AFG2A: variants seen among roughly 807,000 people sequenced by gnomAD.
AFG2A encodes ATPase family gene 2 protein homolog A.
the AFG2A span, among the ~76,000 whole-genome samples, chr4:123,130,494 A>G: frequency 1.3e-5 from 2 of 152,134 alleles, no homozygotes; most frequent in African/African-American, 2.4e-5. Context: ...CCATTTCCCA[A>G]ATGTCATATA....
chr4:123,130,475 T>C, the AFG2A span, among the ~76,000 whole-genome samples: 1 of 152,236 alleles, frequency 6.6e-6, no homozygotes, highest in African/African-American at 2.4e-5. Flanking sequence ...ATCTGTCCTG[T>C]AGTTTTGCCC....
chr4:122,927,669 C>G, the AFG2A span: 1 of 1,611,958 alleles, frequency 6.2e-7, no homozygotes. Flanking sequence ...CCAGAATTCC[C>G]TTATTCATCT....
the AFG2A span, among the ~76,000 whole-genome samples, chr4:123,002,068 T>G: frequency 6.6e-6 from 1 of 151,868 alleles, no homozygotes; most frequent in Non-Finnish European, 1.5e-5. Context: ...ATGGCCTTCT[T>G]TGTCTCTTTT....
the AFG2A span, among the ~76,000 whole-genome samples, chr4:123,065,944 A>C: frequency 1.3e-5 from 2 of 152,192 alleles, no homozygotes. Context: ...AGAACATAAA[A>C]ACATGATCAA....
chr4:123,155,105 G>C, the AFG2A span, among the ~76,000 whole-genome samples: 1 of 151,754 alleles, frequency 6.6e-6, no homozygotes, highest in East Asian at 1.9e-4. Flanking sequence ...TATTTATTTA[G>C]ACACAGAGTC....
the AFG2A span, among the ~76,000 whole-genome samples, chr4:123,248,539 T>G: frequency 0.51 from 77,962 of 152,056 alleles, 24,611 homozygotes; most frequent in Non-Finnish European, 0.67. Flanking sequence ...AGATTTAATA[T>G]ATACAGGAAT....
the AFG2A span, among the ~76,000 whole-genome samples, chr4:122,983,878 G>A: frequency 6.6e-6 from 1 of 152,202 alleles, no homozygotes; most frequent in Non-Finnish European, 1.5e-5. Flanking sequence ...CTAGAAGACA[G>A]ACAACAATCA....
chr4:123,313,286 T>C, the AFG2A span, among the ~76,000 whole-genome samples: 1 of 152,210 alleles, frequency 6.6e-6, no homozygotes, highest in African/African-American at 2.4e-5. Context: ...CACTTCTCTG[T>C]TCTAATGCAG....
chr4:123,029,218 C>G, the AFG2A span, among the ~76,000 whole-genome samples: 1 of 152,194 alleles, frequency 6.6e-6, no homozygotes, highest in African/African-American at 2.4e-5. Context: ...CTGCCTCAGC[C>G]TCCCGAATAG....
chr4:122,949,127 A>ATAC, the AFG2A span, among the ~76,000 whole-genome samples: 1 of 152,198 alleles, frequency 6.6e-6, no homozygotes, highest in Non-Finnish European at 1.5e-5. Context: ...GTCATCAGGA[A>ATAC]TACATACACA....
the AFG2A span, among the ~76,000 whole-genome samples, chr4:123,172,693 A>G: frequency 6.6e-6 from 1 of 152,126 alleles, no homozygotes; most frequent in Admixed American, 6.6e-5. Flanking sequence ...GAAGACCACT[A>G]CTTCCTATTT....
the AFG2A span, among the ~76,000 whole-genome samples, chr4:123,278,225 C>G: frequency 2.0e-5 from 3 of 152,120 alleles, no homozygotes; most frequent in Non-Finnish European, 4.4e-5. Flanking sequence ...TCAGTTTATT[C>G]TAGATCTTCT....
At chr4:123,002,579 G>T in the AFG2A span, among the ~76,000 whole-genome samples, 1 of 152,238 alleles carries the variant, frequency 6.6e-6, no homozygotes, top group African/African-American at 2.4e-5. Context: ...AGTTTGGCTG[G>T]ATATGAAATT....
chr4:123,097,650 A>G, the AFG2A span, among the ~76,000 whole-genome samples: 26 of 152,056 alleles, frequency 1.7e-4, no homozygotes, highest in African/African-American at 6.3e-4. Flanking sequence ...AGGTGTTTTA[A>G]CTTCTATGAC....
At chr4:123,008,900 A>G in the AFG2A span, among the ~76,000 whole-genome samples, 1 of 152,052 alleles carries the variant, frequency 6.6e-6, no homozygotes, top group Non-Finnish European at 1.5e-5. Flanking sequence ...GTAGATGGAG[A>G]GTGGGGGGAG....
chr4:122,951,373 C>A, the AFG2A span, among the ~76,000 whole-genome samples: 1 of 151,742 alleles, frequency 6.6e-6, no homozygotes, highest in East Asian at 1.9e-4. Flanking sequence ...CTTAGGGGTC[C>A]TGGAACCGAT....
At chr4:123,007,544 GTATGTATGTGTGTGTGTGTGTATA>G in the AFG2A span, among the ~76,000 whole-genome samples, 11,175 of 125,092 alleles carry the variant, frequency 0.089, 879 homozygotes, top group East Asian at 0.26. Flanking sequence ...ATATATATGT[GTATGTATGTGTGTGTGTGTGTATA>G]TGTGTGTGTG....
At chr4:123,298,365 G>A in the AFG2A span, among the ~76,000 whole-genome samples, 1 of 152,156 alleles carries the variant, frequency 6.6e-6, no homozygotes, top group Non-Finnish European at 1.5e-5. Context: ...ACGGAATCCC[G>A]ATGGCATCCC....
chr4:123,109,928 A>G, the AFG2A span, among the ~76,000 whole-genome samples: 1 of 152,164 alleles, frequency 6.6e-6, no homozygotes, highest in Non-Finnish European at 1.5e-5. Flanking sequence ...CTTGCTGGCT[A>G]TATTTTGCTA....
Sources: gnomAD v4.1 joint callset for allele counts (sites outside exome capture counted in the v4.1 genomes callset) on GRCh38, gnomAD v4.1.1 for gene constraint, MANE v1.5 for transcripts, NCBI Gene and HGNC (gene_info 2026-07-23, HGNC 2026-07-21) for gene names.